Variants in CCDC6 observed in about 807,000 individuals in gnomAD.
CCDC6 encodes coiled-coil domain containing 6, also known as coiled-coil domain-containing protein 6.
A neutral mutation model predicts 56.6 loss-of-function variants in CCDC6; 20 were observed. The ratio of observed to expected loss-of-function variants is 0.35; its 90% CI spans 0.25 to 0.51. The LOEUF (loss-of-function observed/expected upper bound fraction) is 0.51. Ranked by LOEUF, CCDC6 falls within the 20% of genes least tolerant of loss-of-function variation. The pLI is 0.95. For synonymous variants in CCDC6, 241 were observed against 234.4 expected, an observed-to-expected ratio of 1.03 and a Z score of -0.26; for missense variants, 367 against 601.1, an observed-to-expected ratio of 0.61 and a Z score of 4.07.
Position 59,790,308 on chromosome 10 carries a change from A to G in CCDC6, c.*2609T>C. On this transcript the variant is annotated 3_prime_UTR_variant, in exon 9 of 9. Coordinates refer to ENST00000263102, the MANE Select transcript of CCDC6 (RefSeq NM_005436.5). ...CCACCTGCCTGCAGGACGGCTACTG[A>G]TTTTACAAAGGCCTTCTGGGAGCCA... is the stretch of plus-strand genomic sequence containing the variant. The G allele has an allele frequency of 4.6e-6, 1 of 218,362 alleles. No homozygotes were observed. Among genetic ancestry groups the G allele is most frequent in the Middle Eastern group, 1.4e-3 (1 of 702 alleles). The allele number at this position is 218,362 out of a possible 1,614,324, so 13.5% of individuals were successfully genotyped here.
chr10:59,818,503 G>A (rs374013152), intron 3 of CCDC6, among the ~76,000 whole-genome samples: 1 of 139,714 alleles, frequency 7.2e-6, no homozygotes, highest in Non-Finnish European at 1.6e-5. Flanking sequence ...GACGGGGGGG[G>A]GGGAAGCAGA....
intron 2 of CCDC6, among the ~76,000 whole-genome samples, chr10:59,852,301 T>C (rs923813924): frequency 6.6e-6 from 1 of 152,172 alleles, no homozygotes; most frequent in African/African-American, 2.4e-5. Flanking sequence ...CATGCCAAGA[T>C]CTTGTGCTCA....
At chr10:59,802,593 CATTT>C (rs2070587803) in intron 7 of CCDC6, among the ~76,000 whole-genome samples, 1 of 152,052 alleles carries the variant, frequency 6.6e-6, no homozygotes, top group South Asian at 2.1e-4. Context: ...AAAATATTCT[CATTT>C]AGGCTAGCTG....
At position 59,852,743 on chromosome 10, in the gene CCDC6, T is replaced by C. The variant is rs192611580; in HGVS notation, c.304-41A>G. 1.9e-5 allele frequency: 27 copies of C among 1,448,548 alleles called. No individual in the cohort carries two copies. In the East Asian group the frequency reaches 4.3e-4, roughly 23 times the overall value. The allele number at this position is 1,448,548 out of a possible 1,614,324, so 89.7% of individuals were successfully genotyped here. ...AAAGGAAAGAACAAAACAAAACACATGTTAAGGAAACAGGAAATTTACTAA... is the reference window on the plus strand; with the variant it reads ...AAAGGAAAGAACAAAACAAAACACACGTTAAGGAAACAGGAAATTTACTAA... On this transcript the variant is annotated intron_variant, in intron 1 of 8. Transcript: ENST00000263102.
At chr10:59,863,328 T>C (rs957200756) in intron 1 of CCDC6, among the ~76,000 whole-genome samples, 4 of 152,238 alleles carry the variant, frequency 2.6e-5, no homozygotes, top group East Asian at 1.9e-4. Context: ...GAATAAAATA[T>C]TACATAATGA....
At position 59,792,883 on chromosome 10, in the gene CCDC6, A is replaced by G; in HGVS notation, c.*34T>C. 6.2e-7 allele frequency: 1 copy of G among 1,604,048 alleles called. No individual in the cohort carries two copies. The highest frequency in any genetic ancestry group is 1.1e-5 in the South Asian group (1 of 90,776). On this transcript the variant is annotated 3_prime_UTR_variant, in exon 9 of 9. Transcript: ENST00000263102. ...GTTGAGTAGACGGCTCCATTGGATG[A>G]GTCCCAACTTGAAATTCAGACTAAG...
At chr10:59,842,750 ATTTTTTTT>A (rs3043541) in intron 2 of CCDC6, among the ~76,000 whole-genome samples, 1 of 115,536 alleles carries the variant, frequency 8.7e-6, no homozygotes, top group Non-Finnish European at 1.8e-5. Flanking sequence ...ATGGAAGACA[ATTTTTTTT>A]TTTTTTTTTT....
chr10:59,890,721 ATTTATT>A (rs1261850998), intron 1 of CCDC6, among the ~76,000 whole-genome samples: 3 of 151,752 alleles, frequency 2.0e-5, no homozygotes, highest in South Asian at 2.1e-4. Context: ...TTTTTTATTT[ATTTATT>A]TTTATTTTCT....
chr10:59,864,286 T>C (rs1379483182), intron 1 of CCDC6, among the ~76,000 whole-genome samples: 1 of 152,216 alleles, frequency 6.6e-6, no homozygotes, highest in African/African-American at 2.4e-5. Flanking sequence ...ACTGCTACAC[T>C]TATCAGATGC....
intron 1 of CCDC6, among the ~76,000 whole-genome samples, chr10:59,882,453 C>CGGGAGAAGGAAAGGAAAGCCG (rs2071348412): frequency 1.2e-4 from 2 of 17,304 alleles, no homozygotes; most frequent in African/African-American, 2.0e-4. Context: ...GGAAAGCCGG[C>CGGGAGAAGGAAAGGAAAGCCG]GGGAGAAGGA....
At chr10:59,829,837 C>A (rs2070820506) in intron 3 of CCDC6, among the ~76,000 whole-genome samples, 1 of 152,208 alleles carries the variant, frequency 6.6e-6, no homozygotes, top group Non-Finnish European at 1.5e-5. Context: ...GATGGTTGCA[C>A]AACTCCGAAT....
At chr10:59,842,352 A>G (rs2070947565) in intron 2 of CCDC6, among the ~76,000 whole-genome samples, 1 of 152,154 alleles carries the variant, frequency 6.6e-6, no homozygotes, top group Non-Finnish European at 1.5e-5. Flanking sequence ...TGGCCTATGT[A>G]AACACTTTTT....
chr10:59,794,195 C>T lies in CCDC6; in HGVS notation c.1230+278G>A, dbSNP rs116864690. ...ACCAACAATAATGCAAGGAGCTGGC[C>T]AGAGTTCAATCAAAGCACTGGCCAG... On this transcript the variant is annotated intron_variant, in intron 8 of 8. Transcript: ENST00000263102. 5.4e-4 allele frequency among the ~76,000 whole-genome samples: 82 copies of T among 152,236 alleles called. No individual in the cohort carries two copies. The East Asian group carries it at 0.014, about 27-fold the overall frequency.
At chr10:59,810,094 C>T (rs375923320) in intron 5 of CCDC6, among the ~76,000 whole-genome samples, 84 of 152,238 alleles carry the variant, frequency 5.5e-4, no homozygotes, top group African/African-American at 1.9e-3. Flanking sequence ...GCTGGCCAGG[C>T]GATGCCAACG....
At chr10:59,873,402 C>G (rs1336429941) in intron 1 of CCDC6, among the ~76,000 whole-genome samples, 2 of 152,062 alleles carry the variant, frequency 1.3e-5, no homozygotes, top group Admixed American at 1.3e-4. Context: ...AGTGCTGCAG[C>G]TGCAAGCCAA....
Position 59,804,413 on chromosome 10 carries a change from T to G in CCDC6, c.1105+7A>C. 3.2e-6 allele frequency: 5 copies of G among 1,569,952 alleles called. No homozygotes were observed. Among genetic ancestry groups the G allele is most frequent in the Non-Finnish European group, 4.4e-6 (5 of 1,139,694 alleles). ...AGTCACTGAAATAGCCAAAGACATA[T>G]GCTCACCAGGTGATATAGGCCTGCT... is the stretch of plus-strand genomic sequence containing the variant. On this transcript the variant is annotated splice_region_variant and intron_variant, in intron 7 of 8. Transcript: ENST00000263102.
At chr10:59,818,131 A>C (rs1005140366) in intron 3 of CCDC6, among the ~76,000 whole-genome samples, 1 of 152,104 alleles carries the variant, frequency 6.6e-6, no homozygotes, top group Non-Finnish European at 1.5e-5. Flanking sequence ...TTGTGGGCCT[A>C]TCTCCTTTGC....
chr10:59,804,736 C>A (rs369875963), intron 6 of CCDC6: 1 of 490,940 alleles, frequency 2.0e-6, no homozygotes, highest in East Asian at 3.6e-5. Context: ...GTTGGGAGAC[C>A]TAGGATGTTT....
chr10:59,794,517 G>C lies in CCDC6; in HGVS notation c.1186C>G (p.Pro396Ala). The C allele has an allele frequency of 6.2e-7, 1 of 1,614,098 alleles. No homozygotes were observed. The highest frequency in any genetic ancestry group is 8.5e-7 in the Non-Finnish European group (1 of 1,179,954). Residue 396 changes from proline (P) to alanine (A), a missense_variant, in exon 8 of 9, where the codon CCG (proline) becomes GCG (alanine). Physicochemically the swap from Pro to Ala is conservative, Grantham distance 27. Transcript: ENST00000263102. ...TRAGMSYYNS[P>A]GLHVQHMGTS... Reference sequence around the variant, plus strand: ...CCCATGTGCTGCACGTGAAGACCCGGGGAATTGTAATAAGACATTCCAGCT... The same window carrying C: ...CCCATGTGCTGCACGTGAAGACCCGCGGAATTGTAATAAGACATTCCAGCT...
Sources: gnomAD v4.1 joint callset for allele counts (sites outside exome capture counted in the v4.1 genomes callset) on GRCh38, gnomAD v4.1.1 for gene constraint, MANE v1.5 for transcripts, NCBI Gene and HGNC (gene_info 2026-07-23, HGNC 2026-07-21) for gene names.